AP3B1: variants seen among roughly 807,000 people sequenced by gnomAD.
The protein encoded by AP3B1 is adaptor related protein complex 3 subunit beta 1.
AP3B1 carries 61 observed loss-of-function variants against 132.5 expected under a neutral mutation model. The observed-to-expected ratio is 0.46, with a 90% CI of 0.37 to 0.57. AP3B1 has a LOEUF of 0.57. Ranked by LOEUF, AP3B1 falls within the 20% of genes least tolerant of loss-of-function variation. AP3B1 has a pLI of 0.00. For synonymous variants in AP3B1, 388 were observed against 438.3 expected, an observed-to-expected ratio of 0.89 and a Z score of 1.43; for missense variants, 1,120 against 1,289.4, an observed-to-expected ratio of 0.87 and a Z score of 2.01.
intron 1 of AP3B1, among the ~76,000 whole-genome samples, chr5:78,279,025 T>C (rs1264777738): frequency 6.6e-6 from 1 of 152,058 alleles, no homozygotes; most frequent in African/African-American, 2.4e-5. Flanking sequence ...AAGATTAAAA[T>C]GGTATCATAT....
intron 17 of AP3B1, among the ~76,000 whole-genome samples, chr5:78,123,892 G>T (rs1475265790): frequency 5.3e-5 from 8 of 152,012 alleles, no homozygotes; most frequent in African/African-American, 1.9e-4. Flanking sequence ...TAAAGACACA[G>T]GCACATGTAT....
At chr5:78,245,223 G>A (rs1747328343) in intron 2 of AP3B1, among the ~76,000 whole-genome samples, 2 of 152,198 alleles carry the variant, frequency 1.3e-5, no homozygotes, top group South Asian at 4.1e-4. Context: ...GACGTTCAGG[G>A]CGAAACAGTG....
At chr5:78,114,015 CA>C in intron 18 of AP3B1, 92 bp from the exon 19 acceptor site, 1 of 1,431,266 alleles carries the variant, frequency 7.0e-7, no homozygotes, top group Non-Finnish European at 9.6e-7. Context: ...CAAATGAAAC[CA>C]GATGTTGAAT....
At chr5:78,116,005 T>A in intron 18 of AP3B1, 121 bp downstream of exon 18, 1 of 751,924 alleles carries the variant, frequency 1.3e-6, no homozygotes, top group Non-Finnish European at 2.4e-6. Context: ...AAGGGATTAT[T>A]TTGATAATAC....
At chr5:78,071,689 T>G (rs1349043604) in intron 22 of AP3B1, among the ~76,000 whole-genome samples, 1 of 152,206 alleles carries the variant, frequency 6.6e-6, no homozygotes, top group East Asian at 1.9e-4. Flanking sequence ...CAAACACATT[T>G]GATGAGCACC....
intron 22 of AP3B1, among the ~76,000 whole-genome samples, chr5:78,039,968 T>C (rs1019106891): frequency 7.2e-5 from 11 of 152,076 alleles, no homozygotes; most frequent in Admixed American, 3.3e-4. Context: ...TTATTGGTTT[T>C]AACAGTTTGT....
chr5:78,107,975 T>G (rs1190650403), intron 20 of AP3B1, among the ~76,000 whole-genome samples: 1 of 152,244 alleles, frequency 6.6e-6, no homozygotes, highest in Non-Finnish European at 1.5e-5. Context: ...GGTACTAGCA[T>G]GTCTGCTTTA....
chr5:78,263,991 G>A (rs1748212837), intron 2 of AP3B1, among the ~76,000 whole-genome samples: 1 of 152,124 alleles, frequency 6.6e-6, no homozygotes, highest in Non-Finnish European at 1.5e-5. Flanking sequence ...GTAACATGCT[G>A]TACAGATTTA....
At chr5:78,280,732 T>G (rs1398795102) in intron 1 of AP3B1, among the ~76,000 whole-genome samples, 1 of 152,234 alleles carries the variant, frequency 6.6e-6, no homozygotes, top group Non-Finnish European at 1.5e-5. Context: ...AAGTTTTCCA[T>G]CTGATGAGTT....
At chr5:78,193,757 TATA>T (rs1744953535) in intron 7 of AP3B1, among the ~76,000 whole-genome samples, 1 of 119,832 alleles carries the variant, frequency 8.3e-6, no homozygotes, top group Non-Finnish European at 1.7e-5. Flanking sequence ...TATATATATA[TATA>T]TATATATATA....
chr5:78,175,907 T>C lies in AP3B1; in HGVS notation c.1041-69A>G, dbSNP rs1452149570. ...AAACATCTTTGAGTAAGCACTACAA[T>C]AATGACAAAGAATTAGCAATAATTT... On this transcript the variant is annotated intron_variant, in intron 9 of 26. Transcript: ENST00000255194. The C allele has an allele frequency of 2.6e-6, 3 of 1,168,448 alleles. No homozygotes were observed. In the African/African-American group the frequency reaches 4.5e-5, roughly 18 times the overall value. The allele number at this position is 1,168,448 out of a possible 1,614,324, so 72.4% of individuals were successfully genotyped here.
intron 26 of AP3B1, among the ~76,000 whole-genome samples, chr5:78,010,890 C>A (rs1367750066): frequency 6.6e-6 from 1 of 152,034 alleles, no homozygotes; most frequent in Non-Finnish European, 1.5e-5. Context: ...ATTTGAATAT[C>A]TTACACAGGA....
At chr5:78,151,731 A>G (rs997759026) in intron 14 of AP3B1, among the ~76,000 whole-genome samples, 17 of 152,050 alleles carry the variant, frequency 1.1e-4, no homozygotes, top group Admixed American at 9.8e-4. Context: ...TGATTTTTTA[A>G]ATGTTGTTGA....
chr5:78,202,591 G>GTGTA, intron 7 of AP3B1, among the ~76,000 whole-genome samples: 1 of 148,390 alleles, frequency 6.7e-6, no homozygotes, highest in East Asian at 2.0e-4. Context: ...GTGTGTGTGT[G>GTGTA]TATAAATGCA....
intron 14 of AP3B1, among the ~76,000 whole-genome samples, chr5:78,152,822 T>C (rs1354204520): frequency 1.3e-5 from 2 of 152,224 alleles, no homozygotes; most frequent in East Asian, 1.9e-4. Flanking sequence ...CAGGAGCATA[T>C]TGTTTAATTT....
At chr5:78,003,504 A>C (rs1746267618) in intron 26 of AP3B1, 1 of 744,672 alleles carries the variant, frequency 1.3e-6, no homozygotes, top group African/African-American at 1.9e-5. Context: ...TCTGAAAATG[A>C]TTATGTAATA....
intron 17 of AP3B1, 96 bp downstream of exon 17, chr5:78,127,934 A>G: frequency 6.9e-7 from 1 of 1,449,882 alleles, no homozygotes; most frequent in Non-Finnish European, 9.6e-7. Context: ...ACAATTTTCA[A>G]TTTTCAACTC....
chr5:78,009,410 CTG>C (rs1390292660), intron 26 of AP3B1, among the ~76,000 whole-genome samples: 2 of 151,668 alleles, frequency 1.3e-5, no homozygotes, highest in Non-Finnish European at 2.9e-5. Flanking sequence ...TGAGCTACAA[CTG>C]TGCCACTGCA....
chr5:78,266,443 A>G (rs1487757816), intron 2 of AP3B1, among the ~76,000 whole-genome samples: 1 of 152,148 alleles, frequency 6.6e-6, no homozygotes, highest in East Asian at 1.9e-4. Context: ...TGACTTTAAT[A>G]TATTTGATTT....
Sources: gnomAD v4.1 joint callset for allele counts (sites outside exome capture counted in the v4.1 genomes callset) on GRCh38, gnomAD v4.1.1 for gene constraint, MANE v1.5 for transcripts, NCBI Gene and HGNC (gene_info 2026-07-23, HGNC 2026-07-21) for gene names.